KIZ: variants seen among roughly 807,000 people sequenced by gnomAD.
KIZ encodes kizuna centrosomal protein, also known as centrosomal protein kizuna.
KIZ carries 68 observed loss-of-function variants against 79.6 expected under a neutral mutation model. The observed-to-expected ratio is 0.85, with a 90% CI of 0.70 to 1.05. The LOEUF is 1.05. Ranked by LOEUF, KIZ falls within the 50% of genes least tolerant of loss-of-function variation. The pLI, the probability that KIZ is intolerant of heterozygous loss-of-function variation, is 0.00. For synonymous variants in KIZ, 280 were observed against 281.8 expected (o/e 0.99, Z 0.06); for missense variants, 797 against 800.4 (o/e 1.00, Z 0.05).
At chr20:21,135,692 G>A (rs978492975) in intron 2 of KIZ, among the ~76,000 whole-genome samples, 4 of 152,182 alleles carry the variant, frequency 2.6e-5, no homozygotes, top group East Asian at 1.9e-4. Flanking sequence ...GATTAACAGC[G>A]TTGGTGCCAT....
intron 8 of KIZ, among the ~76,000 whole-genome samples, 180 bp from the exon 9 acceptor site, chr20:21,215,403 T>A (rs2036244932): frequency 6.6e-6 from 1 of 152,166 alleles, no homozygotes; most frequent in Non-Finnish European, 1.5e-5. Flanking sequence ...TATTTTTAAA[T>A]TTTTGTCTAT....
chr20:21,217,970 C>A (rs1377928867), intron 9 of KIZ, among the ~76,000 whole-genome samples: 3 of 152,130 alleles, frequency 2.0e-5, no homozygotes, highest in African/African-American at 7.2e-5. Flanking sequence ...TCAGTCTGTT[C>A]TGGTGGACCT....
At chr20:21,212,080 C>G (rs1343348386) in intron 7 of KIZ, among the ~76,000 whole-genome samples, 1 of 152,146 alleles carries the variant, frequency 6.6e-6, no homozygotes, top group African/African-American at 2.4e-5. Flanking sequence ...GAGAGAGAGA[C>G]TCTGTCTCAA....
At chr20:21,134,878 G>T (rs571681514) in intron 2 of KIZ, among the ~76,000 whole-genome samples, 2 of 152,026 alleles carry the variant, frequency 1.3e-5, no homozygotes, top group East Asian at 1.9e-4. Flanking sequence ...TTCTGGCCAG[G>T]CTGGTCTGGA....
intron 11 of KIZ, among the ~76,000 whole-genome samples, chr20:21,236,267 A>C (rs956080950): frequency 2.0e-5 from 3 of 152,208 alleles, no homozygotes; most frequent in Non-Finnish European, 2.9e-5. Context: ...AGGCCTTTAA[A>C]ACCTAAAATT....
At chr20:21,193,344 T>TTA (rs926909153) in intron 6 of KIZ, among the ~76,000 whole-genome samples, 5 of 152,190 alleles carry the variant, frequency 3.3e-5, no homozygotes, top group Non-Finnish European at 7.3e-5. Flanking sequence ...AAGGAAAAGT[T>TTA]TATTTTCTGT....
At chr20:21,194,016 T>C (rs558654286) in intron 6 of KIZ, 1 of 152,142 alleles carries the variant, frequency 6.6e-6, no homozygotes, top group South Asian at 2.1e-4. Context: ...AATAATAAAA[T>C]TAGACAAACA....
intron 11 of KIZ, among the ~76,000 whole-genome samples, chr20:21,238,411 G>GT (rs1209843773): frequency 6.6e-6 from 1 of 151,958 alleles, no homozygotes; most frequent in Non-Finnish European, 1.5e-5. Context: ...GTGTGAATGT[G>GT]TGTGTGGACA....
Position 21,145,638 on chromosome 20 carries a change from A to G in KIZ, c.389A>G (p.Asp130Gly). ...CTGGGACTAAAAGAGGAACTGACAG[A>G]TGAAGACAGAGAAAAGGTAATAAAC... is the stretch of plus-strand genomic sequence containing the variant. ...DSLGLKEELT[D>G]EDREKVAVHE... is the part of the protein sequence containing the mutation. Residue 130 changes from aspartate to glycine, a missense_variant, in exon 4 of 13, where the codon GAT becomes GGT. Physicochemically the swap from Asp to Gly is moderately conservative, Grantham distance 94. Coordinates refer to ENST00000619189, the MANE Select transcript of KIZ (RefSeq NM_018474.6). 1 of 1,497,614 alleles carries G rather than the reference A, an allele frequency of 6.7e-7. No homozygotes were observed. Among genetic ancestry groups the G allele is most frequent in the Non-Finnish European group, 9.1e-7 (1 of 1,104,234 alleles). The allele number at this position is 1,497,614 out of a possible 1,614,324, so 92.8% of individuals were successfully genotyped here. A position where few individuals can be genotyped will look rare whatever the true frequency, so the allele number is the denominator to read the frequency against.
At position 21,136,571 on chromosome 20, in the gene KIZ, CTG is replaced by C; in HGVS notation, c.315+23_315+24del. On this transcript the variant is annotated intron_variant, in intron 3 of 12. Coordinates refer to ENST00000619189, the MANE Select transcript of KIZ (RefSeq NM_018474.6). The stretch of plus-strand genomic sequence containing the variant: ...ACTGAAGGTGACTTCCTGTTTTTTA[CTG>C]TGTTTTATTTTATTTGTTGTTGTGT... 2 of 1,494,638 alleles carry C rather than the reference CTG, an allele frequency of 1.3e-6. No homozygotes were observed. Among genetic ancestry groups the C allele is most frequent in the Non-Finnish European group, 1.8e-6 (2 of 1,114,376 alleles). 92.6% of individuals were successfully genotyped at this position (1,494,638 alleles called of 1,614,324 possible).
intron 6 of KIZ, among the ~76,000 whole-genome samples, chr20:21,167,985 T>C (rs112014499): frequency 0.018 from 2,741 of 152,296 alleles, 80 homozygotes; most frequent in African/African-American, 0.062. Context: ...GTTAGTTACA[T>C]ATGTATACAT....
intron 7 of KIZ, among the ~76,000 whole-genome samples, chr20:21,207,754 A>G (rs926491195): frequency 1.3e-5 from 2 of 151,854 alleles, no homozygotes; most frequent in African/African-American, 4.8e-5. Context: ...CTCAGGCTGG[A>G]GTGCAGTGGT....
chr20:21,163,596 C>A (rs2033798301), intron 6 of KIZ, among the ~76,000 whole-genome samples: 1 of 152,136 alleles, frequency 6.6e-6, no homozygotes, highest in African/African-American at 2.4e-5. Context: ...TTGCTTAATC[C>A]TTATATTCCT....
At chr20:21,145,500 C>A in intron 3 of KIZ, 65 bp from the exon 4 acceptor site, 1 of 656,576 alleles carries the variant, frequency 1.5e-6, no homozygotes, top group Non-Finnish European at 2.5e-6. Context: ...GTAAAGACCG[C>A]AGTATACAGA....
At chr20:21,237,134 T>C (rs1794828582) in intron 11 of KIZ, among the ~76,000 whole-genome samples, 1 of 151,038 alleles carries the variant, frequency 6.6e-6, no homozygotes, top group African/African-American at 2.4e-5. Context: ...AAACCCTATC[T>C]CTATTAAAAG....
At chr20:21,229,149 C>T in intron 10 of KIZ, 34 bp downstream of exon 10, 1 of 1,248,438 alleles carries the variant, frequency 8.0e-7, no homozygotes, top group African/African-American at 1.5e-5. Flanking sequence ...TCCAGGGGCC[C>T]AGAGTGGCAG....
At chr20:21,212,726 T>C (rs953593909) in intron 7 of KIZ, among the ~76,000 whole-genome samples, 1 of 152,192 alleles carries the variant, frequency 6.6e-6, no homozygotes, top group African/African-American at 2.4e-5. Flanking sequence ...TGCAGAACTG[T>C]TGGCAATGGC....
intron 11 of KIZ, among the ~76,000 whole-genome samples, chr20:21,234,282 A>G (rs1248176149): frequency 1.3e-5 from 2 of 151,998 alleles, no homozygotes; most frequent in Non-Finnish European, 2.9e-5. Flanking sequence ...TTTTGTTATT[A>G]GTATCGTTTC....
intron 11 of KIZ, among the ~76,000 whole-genome samples, chr20:21,237,855 G>T (rs1251092868): frequency 6.6e-6 from 1 of 151,980 alleles, no homozygotes; most frequent in African/African-American, 2.4e-5. Flanking sequence ...TTAGAGACAG[G>T]GTCTCGCTCT....
Sources: gnomAD v4.1 joint callset for allele counts (sites outside exome capture counted in the v4.1 genomes callset) on GRCh38, gnomAD v4.1.1 for gene constraint, MANE v1.5 for transcripts, NCBI Gene and HGNC (gene_info 2026-07-23, HGNC 2026-07-21) for gene names.